PLEKHA5: variants seen among roughly 807,000 people sequenced by gnomAD.
PLEKHA5 encodes the protein pleckstrin homology domain-containing family A member 5.
PLEKHA5 carries 55 observed loss-of-function variants against 181.9 expected under a neutral mutation model. The ratio of observed to expected loss-of-function variants is 0.30; its 90% CI spans 0.24 to 0.38. The LOEUF is 0.38. Among genes scored for constraint, PLEKHA5 ranks in the 10% least tolerant of loss-of-function variants. The probability of loss-of-function intolerance (pLI) is 1.00; values close to 1 mark genes in which losing one functional copy is unlikely to be tolerated. For missense variants in PLEKHA5, 1,432 were observed against 1,549.5 expected (o/e 0.92, Z 1.27); for synonymous variants, 535 against 529.4 (o/e 1.01, Z -0.15).
At chr12:19,214,985 C>T (rs981265626) in intron 3 of PLEKHA5, among the ~76,000 whole-genome samples, 21 of 152,054 alleles carry the variant, frequency 1.4e-4, no homozygotes, top group Admixed American at 1.4e-3. Context: ...CGAGGCCATC[C>T]TGGCCAACAT....
At chr12:19,227,800 T>C (rs2059906821) in intron 3 of PLEKHA5, among the ~76,000 whole-genome samples, 1 of 152,154 alleles carries the variant, frequency 6.6e-6, no homozygotes. Context: ...ACAGCAGCAG[T>C]TGTTGAAGGT....
At chr12:19,200,185 A>G in intron 3 of PLEKHA5, 1 of 602,802 alleles carries the variant, frequency 1.7e-6, no homozygotes, top group East Asian at 2.8e-5. Flanking sequence ...GGATCCCCTC[A>G]AATAACCTAA....
chr12:19,363,303 C>G (rs2095319546), intron 29 of PLEKHA5, among the ~76,000 whole-genome samples: 1 of 151,444 alleles, frequency 6.6e-6, no homozygotes, highest in African/African-American at 2.4e-5. Context: ...AGGCGCGTGT[C>G]ACCACGCATG....
At chr12:19,347,203 C>T in intron 24 of PLEKHA5, 21 bp downstream of exon 24, 1 of 1,378,360 alleles carries the variant, frequency 7.3e-7, no homozygotes, top group Non-Finnish European at 1.0e-6. Flanking sequence ...GGAATAGCCA[C>T]AGAATAATCA....
intron 3 of PLEKHA5, among the ~76,000 whole-genome samples, chr12:19,250,834 AGC>A (rs2065084828): frequency 3.3e-5 from 5 of 152,270 alleles, no homozygotes; most frequent in African/African-American, 1.2e-4. Context: ...GCAAAAATAT[AGC>A]ATGTGTGTCC....
chr12:19,305,802 G>A (rs2152946331), intron 15 of PLEKHA5, among the ~76,000 whole-genome samples: 1 of 136,682 alleles, frequency 7.3e-6, no homozygotes, highest in East Asian at 2.3e-4. Flanking sequence ...GGAGGTTGCA[G>A]TGAGCCAAGA....
chr12:19,306,135 C>T (rs1306858943), intron 15 of PLEKHA5, among the ~76,000 whole-genome samples: 1 of 151,916 alleles, frequency 6.6e-6, no homozygotes, highest in Non-Finnish European at 1.5e-5. Context: ...GCTGAAGAGG[C>T]CAGGATTAAG....
In PLEKHA5 at chr12:19,218,118, T is replaced by C. The variant is rs185136907; in HGVS notation, c.228-35822T>C. Among the ~76,000 whole-genome samples the C allele has an allele frequency of 8.5e-5, 13 of 152,214 alleles. No individual in the cohort carries two copies. In the East Asian group the frequency reaches 2.5e-3, roughly 29 times the overall value. ...TATTTCAGTAAATTAGAAAGTAAGA[T>C]TATCTGCTGGGACTTGTTCGAAGCT... On this transcript the variant is annotated intron_variant, in intron 3 of 31. Transcript: ENST00000429027.
intron 20 of PLEKHA5, among the ~76,000 whole-genome samples, chr12:19,334,829 A>AAAAATATATATATAT: frequency 5.4e-5 from 1 of 18,602 alleles, no homozygotes; most frequent in African/African-American, 1.2e-4. Flanking sequence ...AAAAAAAAAA[A>AAAAATATATATATAT]ATATATATAT....
intron 15 of PLEKHA5, among the ~76,000 whole-genome samples, chr12:19,293,742 C>T (rs2152861736): frequency 6.6e-6 from 1 of 152,250 alleles, no homozygotes; most frequent in Middle Eastern, 3.4e-3. Flanking sequence ...TAGAAAAGGA[C>T]AGGTAAATAT....
intron 11 of PLEKHA5, among the ~76,000 whole-genome samples, chr12:19,278,321 T>C (rs549342191): frequency 6.6e-6 from 1 of 152,110 alleles, no homozygotes; most frequent in Non-Finnish European, 1.5e-5. Flanking sequence ...ACCCAAACAT[T>C]ATGAATACTT....
intron 3 of PLEKHA5, among the ~76,000 whole-genome samples, chr12:19,167,436 C>CTTTTTTTTTTTTTTTTTTTTTTTT (rs1555230969): frequency 1.9e-3 from 94 of 48,562 alleles, no homozygotes; most frequent in African/African-American, 2.8e-3. Context: ...TTTTTTTTTG[C>CTTTTTTTTTTTTTTTTTTTTTTTT]TTTGGAAGCA....
chr12:19,232,467 A>G (rs1258495314), intron 3 of PLEKHA5, among the ~76,000 whole-genome samples: 2 of 152,180 alleles, frequency 1.3e-5, no homozygotes, highest in African/African-American at 2.4e-5. Context: ...AGGAGAATAA[A>G]AAATGTCTAA....
chr12:19,317,509 TC>T (rs2089296883), intron 16 of PLEKHA5, among the ~76,000 whole-genome samples: 1 of 152,092 alleles, frequency 6.6e-6, no homozygotes, highest in Non-Finnish European at 1.5e-5. Context: ...ATGCCTATAG[TC>T]CTATGAGCAT....
At chr12:19,213,179 A>G (rs901027401) in intron 3 of PLEKHA5, among the ~76,000 whole-genome samples, 4 of 152,160 alleles carry the variant, frequency 2.6e-5, no homozygotes, top group African/African-American at 4.8e-5. Context: ...TATTGTGTGC[A>G]GCGGCATGGA....
At chr12:19,191,239 A>G (rs2151954937) in intron 3 of PLEKHA5, among the ~76,000 whole-genome samples, 1 of 152,346 alleles carries the variant, frequency 6.6e-6, no homozygotes, top group East Asian at 1.9e-4. Context: ...TTAAAAACAC[A>G]GTGCCCTGTG....
chr12:19,359,176 G>C (rs371528953), intron 27 of PLEKHA5, among the ~76,000 whole-genome samples: 16 of 152,268 alleles, frequency 1.1e-4, no homozygotes, highest in African/African-American at 3.9e-4. Flanking sequence ...CAAAGCAACA[G>C]TTTGAATTGT....
chr12:19,245,408 T>C (rs540005412), intron 3 of PLEKHA5, among the ~76,000 whole-genome samples: 1 of 152,218 alleles, frequency 6.6e-6, no homozygotes, highest in South Asian at 2.1e-4. Flanking sequence ...CCCACTTATT[T>C]TGCCGTTGGT....
intron 3 of PLEKHA5, chr12:19,200,273 TA>T (rs1035389343): frequency 2.5e-4 from 325 of 1,305,206 alleles, no homozygotes; most frequent in African/African-American, 3.4e-4. Flanking sequence ...TATGTACCAA[TA>T]AAAAAAAATT....
Sources: gnomAD v4.1 joint callset for allele counts (sites outside exome capture counted in the v4.1 genomes callset) on GRCh38, gnomAD v4.1.1 for gene constraint, MANE v1.5 for transcripts, NCBI Gene and HGNC (gene_info 2026-07-23, HGNC 2026-07-21) for gene names.